FHOD3: variants seen among roughly 807,000 people sequenced by gnomAD.
The protein encoded by FHOD3 is FH1/FH2 domain-containing protein 3.
FHOD3 carries 90 observed loss-of-function variants against 173.0 expected under a neutral mutation model. The ratio of observed to expected loss-of-function variants is 0.52; its 90% CI spans 0.44 to 0.62. The LOEUF is 0.62. FHOD3 is among the 20% of genes least tolerant of loss of function. The pLI is 0.00. For synonymous variants in FHOD3, 828 were observed against 823.0 expected (o/e 1.01, Z -0.10); for missense variants, 1,945 against 2,034.7 (o/e 0.96, Z 0.85).
intron 3 of FHOD3, among the ~76,000 whole-genome samples, chr18:36,445,719 G>T (rs1223508048): frequency 1.3e-5 from 2 of 152,180 alleles, no homozygotes; most frequent in African/African-American, 4.8e-5. Flanking sequence ...GGATTATGAA[G>T]GTTTGGGCCT....
chr18:36,742,349 C>T (rs2041944391), intron 21 of FHOD3, among the ~76,000 whole-genome samples: 1 of 152,120 alleles, frequency 6.6e-6, no homozygotes, highest in African/African-American at 2.4e-5. Context: ...ATCGAGCGCA[C>T]AACTTTCATT....
At chr18:36,333,629 C>T (rs2045140891) in intron 1 of FHOD3, among the ~76,000 whole-genome samples, 1 of 152,218 alleles carries the variant, frequency 6.6e-6, no homozygotes, top group Non-Finnish European at 1.5e-5. Flanking sequence ...AGTCATCTGT[C>T]TTTGTTTAAC....
intron 3 of FHOD3, among the ~76,000 whole-genome samples, chr18:36,494,648 A>T (rs1179984147): frequency 6.6e-6 from 1 of 152,156 alleles, no homozygotes; most frequent in East Asian, 1.9e-4. Context: ...TGCTGGAATC[A>T]GCAATCAGCA....
In FHOD3 at chr18:36,654,695, T is replaced by C. The variant is rs562768460; in HGVS notation, c.1721+1279T>C. Among the ~76,000 whole-genome samples the C allele has an allele frequency of 3.3e-5, 5 of 152,304 alleles. No homozygotes were observed. In the East Asian group the frequency reaches 5.8e-4, roughly 18 times the overall value. On this transcript the variant is annotated intron_variant, in intron 13 of 28. Transcript: ENST00000590592. ...TAGACAGAGATGAGGCATGAGACCTTGCTTCTAGTTTTTCCCTGGATAAAT... is the reference window on the plus strand; with the variant it reads ...TAGACAGAGATGAGGCATGAGACCTCGCTTCTAGTTTTTCCCTGGATAAAT...
chr18:36,615,618 CTA>C (rs747728611), intron 9 of FHOD3, among the ~76,000 whole-genome samples: 12 of 152,138 alleles, frequency 7.9e-5, no homozygotes, highest in Admixed American at 3.3e-4. Flanking sequence ...GTACAATATT[CTA>C]TCTGTGTGTA....
intron 24 of FHOD3, among the ~76,000 whole-genome samples, chr18:36,748,823 T>C (rs2042277456): frequency 6.6e-6 from 1 of 152,170 alleles, no homozygotes; most frequent in African/African-American, 2.4e-5. Flanking sequence ...GTAGAACTGA[T>C]TAAAGCAGGA....
At chr18:36,723,395 G>GGGGC (rs942797707) in intron 19 of FHOD3, among the ~76,000 whole-genome samples, 1 of 152,012 alleles carries the variant, frequency 6.6e-6, no homozygotes, top group African/African-American at 2.4e-5. Context: ...GTGTGGATGG[G>GGGGC]GGGCGGTTTG....
At chr18:36,438,833 C>T (rs1187599412) in intron 3 of FHOD3, among the ~76,000 whole-genome samples, 57 of 152,224 alleles carry the variant, frequency 3.7e-4, no homozygotes, top group Non-Finnish European at 1.0e-4. Flanking sequence ...TGAGTTTTCA[C>T]TCAGAAAACC....
At chr18:36,632,601 G>A (rs1260310672) in intron 10 of FHOD3, among the ~76,000 whole-genome samples, 3 of 152,042 alleles carry the variant, frequency 2.0e-5, no homozygotes, top group Non-Finnish European at 2.9e-5. Context: ...TGTCCAATTC[G>A]TGAGTCCCGT....
chr18:36,654,307 G>A lies in FHOD3; in HGVS notation c.1721+891G>A, dbSNP rs116450467. Among the ~76,000 whole-genome samples the A allele has an allele frequency of 2.4e-3, 366 of 152,216 alleles. 2 individuals are homozygous for A. The highest frequency in any genetic ancestry group is 8.5e-3 in the African/African-American group (355 of 41,536). ...AGACCTTTCACCTAATAAATAGGAG[G>A]GCTAATCTAGATCTATGATCGTTAA... On this transcript the variant is annotated intron_variant, in intron 13 of 28. Transcript: ENST00000590592.
intron 3 of FHOD3, among the ~76,000 whole-genome samples, chr18:36,381,853 G>A (rs548904651): frequency 6.6e-6 from 1 of 152,324 alleles, no homozygotes; most frequent in South Asian, 2.1e-4. Flanking sequence ...GCTAACAGAT[G>A]ACGCCATGGT....
At chr18:36,702,723 A>G (rs951086213) in intron 17 of FHOD3, among the ~76,000 whole-genome samples, 1 of 152,266 alleles carries the variant, frequency 6.6e-6, no homozygotes, top group African/African-American at 2.4e-5. Context: ...GAAAAATTGC[A>G]TAACCAGAAA....
chr18:36,616,261 C>G (rs1056296838), intron 9 of FHOD3, among the ~76,000 whole-genome samples: 2 of 152,222 alleles, frequency 1.3e-5, no homozygotes, highest in Non-Finnish European at 2.9e-5. Flanking sequence ...CTCTTAGATT[C>G]TGTTCAGCCA....
rs1454444854 is a variant in FHOD3, at chr18:36,618,316, T to G, written c.957+6221T>G. 3.6e-5 allele frequency among the ~76,000 whole-genome samples: 5 copies of G among 140,534 alleles called. No individual in the cohort carries two copies. The East Asian group carries it at 6.1e-4, about 17-fold the overall frequency. 92.2% of individuals were successfully genotyped at this position (140,534 alleles called of 152,430 possible). ...GGTAATGATGTTTTTTGGTGGTTTT[T>G]TTTTTTTTTTTTTTTTTGAGATGGA... On this transcript the variant is annotated intron_variant, in intron 9 of 28. Transcript: ENST00000590592.
chr18:36,480,181 G>A (rs1486516151), intron 3 of FHOD3, among the ~76,000 whole-genome samples: 3 of 152,172 alleles, frequency 2.0e-5, no homozygotes, highest in Non-Finnish European at 4.4e-5. Context: ...CTGAGGTCCG[G>A]TGTCCACATA....
intron 15 of FHOD3, 21 bp downstream of exon 15, chr18:36,681,591 T>G: frequency 1.3e-6 from 2 of 1,576,136 alleles, no homozygotes; most frequent in Middle Eastern, 1.7e-4. Flanking sequence ...TCTTAAGATT[T>G]TTTTTAAATA....
chr18:36,692,935 C>T, intron 16 of FHOD3: 1 of 474,410 alleles, frequency 2.1e-6, no homozygotes. Context: ...CCTAAAAGAG[C>T]AAGATAGGAT....
At chr18:36,359,660 C>G (rs1444338213) in intron 2 of FHOD3, among the ~76,000 whole-genome samples, 2 of 152,172 alleles carry the variant, frequency 1.3e-5, no homozygotes, top group Non-Finnish European at 2.9e-5. Flanking sequence ...GATGGGGTCT[C>G]TGGCACCTGA....
At chr18:36,328,290 C>T (rs1253069849) in intron 1 of FHOD3, among the ~76,000 whole-genome samples, 1 of 152,030 alleles carries the variant, frequency 6.6e-6, no homozygotes, top group Non-Finnish European at 1.5e-5. Flanking sequence ...ACTCTGAAGA[C>T]AGGGCAATGG....
Sources: gnomAD v4.1 joint callset for allele counts (sites outside exome capture counted in the v4.1 genomes callset) on GRCh38, gnomAD v4.1.1 for gene constraint, MANE v1.5 for transcripts, NCBI Gene and HGNC (gene_info 2026-07-23, HGNC 2026-07-21) for gene names.